LARP4B: variants seen among roughly 807,000 people sequenced by gnomAD.
The protein encoded by LARP4B is La ribonucleoprotein 4B.
In LARP4B, 12 loss-of-function variants were observed where a neutral mutation model predicts 89.8. The ratio of observed to expected loss-of-function variants is 0.13; its 90% CI spans 0.09 to 0.22. LARP4B has a LOEUF of 0.22. Ranked by LOEUF, LARP4B falls within the 10% of genes least tolerant of loss-of-function variation. The pLI is 1.00. For missense variants in LARP4B, 757 were observed against 947.7 expected (o/e 0.80, Z 2.64); for synonymous variants, 367 against 363.3 (o/e 1.01, Z -0.12).
chr10:880,971 C>G (rs1273663036), intron 3 of LARP4B, among the ~76,000 whole-genome samples: 9 of 152,144 alleles, frequency 5.9e-5, no homozygotes, highest in Admixed American at 5.9e-4. Flanking sequence ...AAAATGGTTT[C>G]CAGGCTGATG....
At chr10:832,829 G>A (rs1177290636) in intron 8 of LARP4B, among the ~76,000 whole-genome samples, 1 of 152,192 alleles carries the variant, frequency 6.6e-6, no homozygotes, top group South Asian at 2.1e-4. Flanking sequence ...GAATGTCCAG[G>A]CAGAAGGAAA....
At chr10:906,390 C>T (rs997081209) in intron 1 of LARP4B, among the ~76,000 whole-genome samples, 5 of 152,182 alleles carry the variant, frequency 3.3e-5, no homozygotes, top group Admixed American at 2.0e-4. Context: ...TGAGTATGAT[C>T]GATGAACAAG....
Position 822,214 on chromosome 10 carries a change from G to A in LARP4B, c.1485-1369C>T, listed in dbSNP as rs912650294. On this transcript the variant is annotated intron_variant, in intron 13 of 17. Transcript: ENST00000316157. The surrounding 1 kb of genome is among the most constrained non-coding windows in gnomAD (Gnocchi z 4.6). Reference sequence around the variant, plus strand: ...GCAACCAGATGAGAGTCTTCAGTGGGACAGGACTCAACTGGCCCTGGGGAC... The same window carrying A: ...GCAACCAGATGAGAGTCTTCAGTGGAACAGGACTCAACTGGCCCTGGGGAC... 1.3e-5 allele frequency among the ~76,000 whole-genome samples: 2 copies of A among 152,220 alleles called. No homozygotes were observed. The highest frequency in any genetic ancestry group is 2.9e-5 in the Non-Finnish European group (2 of 68,024).
chr10:870,019 T>C, intron 3 of LARP4B: 1 of 982,958 alleles, frequency 1.0e-6, no homozygotes, highest in Non-Finnish European at 1.2e-6. Flanking sequence ...TTACGAACTG[T>C]CCGTCTCTAT....
the LARP4B span, among the ~76,000 whole-genome samples, chr10:973,692 C>T: frequency 1.3e-5 from 2 of 152,156 alleles, no homozygotes; most frequent in Admixed American, 6.5e-5. Flanking sequence ...TAGCCACAGC[C>T]ACACTGGTTC....
chr10:894,706 A>G (rs1262431830), intron 1 of LARP4B, among the ~76,000 whole-genome samples: 2 of 152,210 alleles, frequency 1.3e-5, no homozygotes, highest in African/African-American at 4.8e-5. Context: ...GCTAGAAACT[A>G]AAAGACTCAT....
In LARP4B at chr10:812,893, A is replaced by G. The variant is rs956028179; in HGVS notation, c.*33T>C. On this transcript the variant is annotated 3_prime_UTR_variant, in exon 18 of 18. Transcript: ENST00000316157. ...AGAGTGTCTCGTTTGTGGTTAACAC[A>G]GCGCTCTGCGACCCCTCCCAGACGT... The G allele has an allele frequency of 1.3e-6, 2 of 1,510,692 alleles. No homozygotes were observed. Among genetic ancestry groups the G allele is most frequent in the African/African-American group, 2.8e-5 (2 of 71,370 alleles). 93.6% of individuals were successfully genotyped at this position (1,510,692 alleles called of 1,614,324 possible).
chr10:882,186 C>G (rs923907443), intron 3 of LARP4B, among the ~76,000 whole-genome samples: 1 of 151,264 alleles, frequency 6.6e-6, no homozygotes, highest in Non-Finnish European at 1.5e-5. Context: ...AGTAAATCTA[C>G]TAAAAATAAT....
the LARP4B span, among the ~76,000 whole-genome samples, chr10:955,178 G>A: frequency 6.6e-6 from 1 of 152,184 alleles, no homozygotes; most frequent in African/African-American, 2.4e-5. This position sits in a 1 kb window ranked among gnomAD's most constrained non-coding sequence, Gnocchi z 5.2. Flanking sequence ...CCAACAGTAG[G>A]CTCACATTCC....
chr10:820,640 G>T, intron 14 of LARP4B, 160 bp downstream of exon 14: 1 of 663,482 alleles, frequency 1.5e-6, no homozygotes, highest in Non-Finnish European at 2.5e-6. Flanking sequence ...TTCCTCCTAG[G>T]CCAGCCAGGG....
the LARP4B span, among the ~76,000 whole-genome samples, chr10:953,651 A>G: frequency 9.8e-5 from 15 of 152,286 alleles, no homozygotes; most frequent in East Asian, 1.5e-3. Flanking sequence ...TGCATAACAG[A>G]CAACCTTTAA....
the LARP4B span, among the ~76,000 whole-genome samples, chr10:976,998 C>T: frequency 6.6e-6 from 1 of 152,152 alleles, no homozygotes; most frequent in African/African-American, 2.4e-5. Context: ...ATAGGCCTGT[C>T]ATGTAATGTG....
At chr10:912,882 T>C (rs1279238612) in intron 1 of LARP4B, among the ~76,000 whole-genome samples, 1 of 152,012 alleles carries the variant, frequency 6.6e-6, no homozygotes, top group Admixed American at 6.6e-5. Context: ...ACACAAAATA[T>C]GACTTTCTGA....
chr10:969,229 A>T, the LARP4B span, among the ~76,000 whole-genome samples: 1 of 152,214 alleles, frequency 6.6e-6, no homozygotes, highest in African/African-American at 2.4e-5. Flanking sequence ...CGAGGTAGGC[A>T]GTGACAACCT....
chr10:839,363 T>C (rs1043276574), intron 7 of LARP4B, among the ~76,000 whole-genome samples: 6 of 152,210 alleles, frequency 3.9e-5, no homozygotes, highest in Admixed American at 2.6e-4. Context: ...ACAGGGGATA[T>C]AATGGGAGAT....
In LARP4B at chr10:811,882, A is replaced by C. The variant is rs999486771; in HGVS notation, c.*1044T>G. ...TCTTCAGAAGTGCAGCACTTCTGGA[A>C]GTGAATCAATGAGGCCCTCGTCTTG... On this transcript the variant is annotated 3_prime_UTR_variant, in exon 18 of 18. Transcript: ENST00000316157. 1 of 152,424 alleles carries C rather than the reference A, an allele frequency of 6.6e-6. No individual in the cohort carries two copies. Among genetic ancestry groups the C allele is most frequent in the Admixed American group, 6.5e-5 (1 of 15,278 alleles). 9.4% of individuals were successfully genotyped at this position (152,424 alleles called of 1,614,324 possible).
the LARP4B span, among the ~76,000 whole-genome samples, chr10:948,164 G>A: frequency 1.3e-5 from 2 of 151,874 alleles, no homozygotes; most frequent in Non-Finnish European, 2.9e-5. Context: ...GCTCACACAC[G>A]GTCAAAGACC....
At chr10:904,325 A>G (rs574151084) in intron 1 of LARP4B, among the ~76,000 whole-genome samples, 2 of 152,262 alleles carry the variant, frequency 1.3e-5, no homozygotes, top group South Asian at 4.1e-4. Context: ...AGGCCAAGAA[A>G]GGGAGATCAC....
chr10:870,086 G>C (rs1441722046), intron 3 of LARP4B: 4 of 983,324 alleles, frequency 4.1e-6, no homozygotes, highest in Non-Finnish European at 4.8e-6. Context: ...AGTGTTTTCT[G>C]AAAACAAAGC....
Sources: gnomAD v4.1 joint callset for allele counts (sites outside exome capture counted in the v4.1 genomes callset) on GRCh38, gnomAD v4.1.1 for gene constraint, Gnocchi (gnomAD v3.1) non-coding constraint, MANE v1.5 for transcripts, NCBI Gene and HGNC (gene_info 2026-07-23, HGNC 2026-07-21) for gene names.